The following SLC26A7 variants were observed in gnomAD, a reference collection of about 807,000 sequenced individuals.
SLC26A7 encodes the protein anion exchange transporter.
Under a neutral mutation model 82.5 loss-of-function variants are expected in SLC26A7, and 59 were observed. The observed-to-expected ratio is 0.72, with a 90% confidence interval of 0.58 to 0.89. The LOEUF is 0.89. Ranked by LOEUF, SLC26A7 falls within the 40% of genes least tolerant of loss-of-function variation. The pLI, the probability that SLC26A7 is intolerant of heterozygous loss-of-function variation, is 0.00. For synonymous variants in SLC26A7, 271 were observed against 274.3 expected (o/e 0.99, Z 0.12); for missense variants, 820 against 793.0 (o/e 1.03, Z -0.41).
intron 15 of SLC26A7, among the ~76,000 whole-genome samples, chr8:91,386,516 A>G (rs1365893608): frequency 6.6e-6 from 1 of 152,196 alleles, no homozygotes; most frequent in African/African-American, 2.4e-5. Flanking sequence ...CATCATTGTT[A>G]TTTTAAGATG....
intron 7 of SLC26A7, among the ~76,000 whole-genome samples, chr8:91,339,070 A>C (rs1389632910): frequency 6.6e-6 from 1 of 152,316 alleles, no homozygotes; most frequent in African/African-American, 2.4e-5. Context: ...GATTATATGA[A>C]TCAAATTGAA....
At chr8:91,317,669 C>T (rs762521223) in intron 4 of SLC26A7, among the ~76,000 whole-genome samples, 8 of 152,176 alleles carry the variant, frequency 5.3e-5, no homozygotes, top group Non-Finnish European at 1.0e-4. Context: ...CTTTCTTCAA[C>T]GGTTTTGAGG....
chr8:91,271,722 G>A (rs1448449505), intron 2 of SLC26A7, among the ~76,000 whole-genome samples: 1 of 151,370 alleles, frequency 6.6e-6, no homozygotes, highest in Non-Finnish European at 1.5e-5. Context: ...AGCCTCCCGA[G>A]TAGCTGGGAC....
At chr8:91,215,696 C>T (rs1434398564) in intron 1 of SLC26A7, among the ~76,000 whole-genome samples, 1 of 152,080 alleles carries the variant, frequency 6.6e-6, no homozygotes, top group Non-Finnish European at 1.5e-5. Flanking sequence ...ATTCACTGAC[C>T]TTGGCTTGAC....
chr8:91,369,042 C>T (rs1169039129), intron 14 of SLC26A7, among the ~76,000 whole-genome samples: 1 of 152,148 alleles, frequency 6.6e-6, no homozygotes, highest in Admixed American at 6.5e-5. Flanking sequence ...AATGTAGTGG[C>T]TGGGAACAAG....
intron 5 of SLC26A7, among the ~76,000 whole-genome samples, chr8:91,326,422 T>C (rs114227623): frequency 0.02 from 3,114 of 152,232 alleles, 92 homozygotes; most frequent in African/African-American, 0.07. Flanking sequence ...TCCCTCTTGC[T>C]GCTTCCTCAC....
chr8:91,302,395 C>G (rs966540907), intron 4 of SLC26A7, among the ~76,000 whole-genome samples: 10 of 152,038 alleles, frequency 6.6e-5, no homozygotes, highest in Non-Finnish European at 1.0e-4. Context: ...CATCCAATGT[C>G]TCTCACTCAT....
intron 2 of SLC26A7, chr8:91,219,274 GT>G (rs1269052157): frequency 4.0e-6 from 1 of 252,336 alleles, no homozygotes; most frequent in East Asian, 7.2e-5. Context: ...TTTTCCTGCT[GT>G]TTTATGACTA....
chr8:91,375,879 A>G (rs983005508), intron 15 of SLC26A7, among the ~76,000 whole-genome samples: 6 of 151,964 alleles, frequency 3.9e-5, no homozygotes, highest in African/African-American at 1.4e-4. Context: ...CCTATAAGTT[A>G]TAGGTTTAGT....
intron 2 of SLC26A7, among the ~76,000 whole-genome samples, chr8:91,232,642 G>A (rs1247251977): frequency 6.6e-6 from 1 of 152,158 alleles, no homozygotes. Flanking sequence ...TGAATAGGTG[G>A]CAAGGAGTGG....
intron 2 of SLC26A7, among the ~76,000 whole-genome samples, chr8:91,278,620 T>C (rs1212912975): frequency 6.6e-6 from 1 of 152,164 alleles, no homozygotes; most frequent in Non-Finnish European, 1.5e-5. Flanking sequence ...TAAATAAATA[T>C]TTGCCTTTTT....
At chr8:91,244,925 TA>T (rs1810523788), upstream of SLC26A7, among the ~76,000 whole-genome samples, 1 of 152,118 alleles carries the variant, frequency 6.6e-6, no homozygotes, top group Admixed American at 6.5e-5. Context: ...AAAAACACAC[TA>T]AAGAAACTAT....
At chr8:91,336,478 A>G (rs762261582) in intron 6 of SLC26A7, among the ~76,000 whole-genome samples, 42 of 152,000 alleles carry the variant, frequency 2.8e-4, no homozygotes, top group Non-Finnish European at 1.6e-4. Flanking sequence ...TGATAGACTG[A>G]GGTGGAACAG....
At chr8:91,308,959 C>T (rs1212835917) in intron 4 of SLC26A7, among the ~76,000 whole-genome samples, 2 of 152,020 alleles carry the variant, frequency 1.3e-5, no homozygotes, top group Non-Finnish European at 2.9e-5. Context: ...GTCCTAGAAT[C>T]AGCCATTTCT....
In SLC26A7 at chr8:91,362,340, G is replaced by A; in HGVS notation, c.1315-13G>A. The A allele has an allele frequency of 6.3e-7, 1 of 1,589,514 alleles. No homozygotes were observed. The highest frequency in any genetic ancestry group is 1.3e-5 in the African/African-American group (1 of 74,348). On this transcript the variant is annotated splice_polypyrimidine_tract_variant and intron_variant, in intron 11 of 18. Coordinates refer to ENST00000276609, the MANE Select transcript of SLC26A7 (RefSeq NM_052832.4). ...AAAGGATTCACAACTTCTGTTTCTT[G>A]TTTCTCTTTCAGGGAATATGGGTCA...
intron 11 of SLC26A7, chr8:91,357,151 C>T (rs908086912): frequency 6.6e-6 from 1 of 152,102 alleles, no homozygotes; most frequent in Non-Finnish European, 1.5e-5. Flanking sequence ...TCTGGTAGCC[C>T]ATGTTTGACC....
intron 8 of SLC26A7, 78 bp downstream of exon 8, chr8:91,340,629 C>A: frequency 6.4e-7 from 1 of 1,567,532 alleles, no homozygotes; most frequent in Non-Finnish European, 8.8e-7. Context: ...AAATGATGAA[C>A]TTATGAAAAA....
intron 8 of SLC26A7, among the ~76,000 whole-genome samples, chr8:91,342,222 G>T (rs1813441106): frequency 6.6e-6 from 1 of 152,108 alleles, no homozygotes; most frequent in South Asian, 2.1e-4. Flanking sequence ...GAGCCACCGT[G>T]CTCAGCCAGC....
rs575524032 is a variant in SLC26A7 at position 91,271,456 on chromosome 8, A to G, written c.194-17680A>G. ...TTTAGCTGCTTCTTACTAAGCTCAGACAACTTGGAGACCACCATTTTCTTA... is the reference window on the plus strand; with the variant it reads ...TTTAGCTGCTTCTTACTAAGCTCAGGCAACTTGGAGACCACCATTTTCTTA... On this transcript the variant is annotated intron_variant, in intron 2 of 18. Transcript: ENST00000276609. Among the ~76,000 whole-genome samples the G allele has an allele frequency of 3.3e-5, 5 of 152,354 alleles. No homozygotes were observed. In the South Asian group the frequency reaches 1.0e-3, roughly 32 times the overall value.
Sources: gnomAD v4.1 joint callset for allele counts (sites outside exome capture counted in the v4.1 genomes callset) on GRCh38, gnomAD v4.1.1 for gene constraint, MANE v1.5 for transcripts, NCBI Gene and HGNC (gene_info 2026-07-23, HGNC 2026-07-21) for gene names.